Variants in SV2B observed in about 807,000 individuals in gnomAD.
SV2B encodes the protein synaptic vesicle glycoprotein 2B, also known as solute carrier family 22 member B2.
Under a neutral mutation model 73.9 loss-of-function variants are expected in SV2B, and 41 were observed. That is an observed-to-expected ratio of 0.56 (90% CI 0.43 to 0.72). The LOEUF is 0.72. SV2B is among the 30% of genes least tolerant of loss of function. The pLI is 0.00. For missense variants in SV2B, 764 were observed against 857.8 expected, an observed-to-expected ratio of 0.89 and a Z score of 1.37; for synonymous variants, 314 against 314.2, an observed-to-expected ratio of 1.00 and a Z score of 0.01.
At chr15:91,246,266 T>C (rs2047220222) in intron 2 of SV2B, among the ~76,000 whole-genome samples, 1 of 152,006 alleles carries the variant, frequency 6.6e-6, no homozygotes, top group African/African-American at 2.4e-5. Context: ...TAGTATATGA[T>C]TGGCTTGTTT....
At position 91,289,815 on chromosome 15, in the gene SV2B, G is replaced by T; in HGVS notation, c.1868+135G>T. 2 of 1,046,514 alleles carry T rather than the reference G, an allele frequency of 1.9e-6. No individual in the cohort carries two copies. Among genetic ancestry groups the T allele is most frequent in the Admixed American group, 2.8e-5 (1 of 35,228 alleles). The allele number at this position is 1,046,514 out of a possible 1,614,324, so 64.8% of individuals were successfully genotyped here. A position where few individuals can be genotyped will look rare whatever the true frequency, so the allele number is the denominator to read the frequency against. ...GTTCCGTGAAACAAACATCTTTTATGTTGAGCTTCTCCTGCATGGTGGATG... is the reference window on the plus strand; with the variant it reads ...GTTCCGTGAAACAAACATCTTTTATTTTGAGCTTCTCCTGCATGGTGGATG... On this transcript the variant is annotated intron_variant, in intron 12 of 12. Transcript: ENST00000394232. This position sits in a 1 kb window ranked among gnomAD's most constrained non-coding sequence, Gnocchi z 4.9.
intron 9 of SV2B, among the ~76,000 whole-genome samples, chr15:91,279,857 C>A (rs2048627789): frequency 1.3e-5 from 2 of 152,184 alleles, no homozygotes; most frequent in African/African-American, 4.8e-5. Context: ...CTTCTTGTAA[C>A]AAAAGACTCA....
intron 1 of SV2B, among the ~76,000 whole-genome samples, chr15:91,143,366 T>C (rs2043052877): frequency 1.3e-5 from 2 of 152,204 alleles, no homozygotes; most frequent in Non-Finnish European, 2.9e-5. Flanking sequence ...CTGGGGACCA[T>C]TGAAACAGGT....
At chr15:91,262,841 G>A (rs2047958716) in intron 6 of SV2B, among the ~76,000 whole-genome samples, 1 of 152,182 alleles carries the variant, frequency 6.6e-6, no homozygotes, top group Non-Finnish European at 1.5e-5. Flanking sequence ...GCTGTGCTGC[G>A]GGTGTGGAAG....
chr15:91,287,702 A>G (rs192939352), intron 11 of SV2B, among the ~76,000 whole-genome samples: 1,524 of 152,218 alleles, frequency 0.01, 21 homozygotes, highest in Non-Finnish European at 0.011. Flanking sequence ...TGGACTGCAT[A>G]CTTAGATTCC....
At chr15:91,218,870 G>A (rs2046122470) in intron 1 of SV2B, among the ~76,000 whole-genome samples, 1 of 152,132 alleles carries the variant, frequency 6.6e-6, no homozygotes, top group African/African-American at 2.4e-5. Flanking sequence ...ACTGGTATCT[G>A]GTATCTTGGC....
rs938014324 is a variant in SV2B at position 91,298,714 on chromosome 15, A to C, written c.*6162A>C. On this transcript the variant is annotated 3_prime_UTR_variant, in exon 13 of 13. Transcript: ENST00000394232. This position sits in a 1 kb window ranked among gnomAD's most constrained non-coding sequence, Gnocchi z 5.4. Reference sequence around the variant, plus strand: ...ATCCTACAGGCTTAAAATACTTTAAAATTTCAGAGACCATTAATATGTATT... The same window carrying C: ...ATCCTACAGGCTTAAAATACTTTAACATTTCAGAGACCATTAATATGTATT... 1 of 152,186 alleles carries C rather than the reference A, an allele frequency of 6.6e-6. No homozygotes were observed. The highest frequency in any genetic ancestry group is 2.4e-5 in the African/African-American group (1 of 41,436). The allele number at this position is 152,186 out of a possible 1,614,324, so 9.4% of individuals were successfully genotyped here.
At chr15:91,120,811 C>CAAAAAAAA (rs756474473) in intron 1 of SV2B, among the ~76,000 whole-genome samples, 2 of 97,272 alleles carry the variant, frequency 2.1e-5, no homozygotes, top group Non-Finnish European at 1.9e-5. Flanking sequence ...GAACCTGTCT[C>CAAAAAAAA]AAAAAAAAAA....
intron 1 of SV2B, among the ~76,000 whole-genome samples, chr15:91,107,375 C>G (rs2041914233): frequency 6.6e-6 from 1 of 150,910 alleles, no homozygotes; most frequent in Non-Finnish European, 1.5e-5. Flanking sequence ...TGTAGTGGCA[C>G]AATCTTAGCT....
At position 91,252,452 on chromosome 15, in the gene SV2B, T is replaced by A; in HGVS notation, c.716T>A (p.Leu239Gln). The change falls in exon 4 of 13, where the codon CTG becomes CAG. Residue 239 changes from leucine to glutamine, a missense_variant. Physicochemically the swap from Leu to Gln is moderately radical, Grantham distance 113 (BLOSUM62 -2). Transcript: ENST00000394232. This position sits in a 1 kb window ranked among gnomAD's most constrained non-coding sequence, Gnocchi z 4.6. ...AAGCGAGGAGAACACCTCAGTTGGC[T>A]GGGCATCTTCTGGATGACTGGGGGC... ...REKRGEHLSW[L>Q]GIFWMTGGLY... is the part of the protein sequence containing the mutation. The A allele has an allele frequency of 3.1e-6, 5 of 1,613,828 alleles. No individual in the cohort carries two copies. The highest frequency in any genetic ancestry group is 4.2e-6 in the Non-Finnish European group (5 of 1,179,846).
chr15:91,229,978 T>C lies in SV2B; in HGVS notation c.451+3264T>C, dbSNP rs1336099191. Among the ~76,000 whole-genome samples the C allele has an allele frequency of 6.6e-6, 1 of 152,218 alleles. No homozygotes were observed. The highest frequency in any genetic ancestry group is 1.5e-5 in the Non-Finnish European group (1 of 68,044). On this transcript the variant is annotated intron_variant, in intron 2 of 12. Coordinates refer to ENST00000394232, the MANE Select transcript of SV2B (RefSeq NM_001323032.3). This position sits in a 1 kb window ranked among gnomAD's most constrained non-coding sequence, Gnocchi z 4.3. ...CTCTCTGGTTGGGTGTGGTGGCCCATGCCTGTAATCCCAGTGCTTTGGGAG... is the reference window on the plus strand; with the variant it reads ...CTCTCTGGTTGGGTGTGGTGGCCCACGCCTGTAATCCCAGTGCTTTGGGAG...
At chr15:91,250,763 T>C (rs1016577518) in intron 2 of SV2B, among the ~76,000 whole-genome samples, 67 of 152,070 alleles carry the variant, frequency 4.4e-4, no homozygotes, top group African/African-American at 1.5e-3. Context: ...AAATGAAAGG[T>C]CTTTATACTG....
chr15:91,281,658 G>GT lies in SV2B; in HGVS notation c.1374-66dup. The GT allele has an allele frequency of 3.3e-6, 5 of 1,507,260 alleles. No individual in the cohort carries two copies. Among genetic ancestry groups the GT allele is most frequent in the Non-Finnish European group, 4.5e-6 (5 of 1,120,120 alleles). 93.4% of individuals were successfully genotyped at this position (1,507,260 alleles called of 1,614,324 possible). A position where few individuals can be genotyped will look rare whatever the true frequency, so the allele number is the denominator to read the frequency against. On this transcript the variant is annotated intron_variant, in intron 9 of 12. Transcript: ENST00000394232. The surrounding 1 kb of genome is among the most constrained non-coding windows in gnomAD (Gnocchi z 4.7). Reference sequence around the variant, plus strand: ...ACATCTCCTTTTTCTGCCTTGCTGTGTTTTCCATTTTGGTCTTAAGTCTCT... The same window carrying GT: ...ACATCTCCTTTTTCTGCCTTGCTGTGTTTTTCCATTTTGGTCTTAAGTCTCT...
In SV2B at chr15:91,155,202, G is replaced by A. The variant is rs2043446488; in HGVS notation, c.-392+54839G>A. 2.0e-5 allele frequency among the ~76,000 whole-genome samples: 3 copies of A among 152,132 alleles called. No individual in the cohort carries two copies. In the South Asian group the frequency reaches 6.2e-4, roughly 32 times the overall value. On this transcript the variant is annotated intron_variant, in intron 1 of 12. Coordinates refer to ENST00000394232, the MANE Select transcript of SV2B (RefSeq NM_001323032.3). ...AGCCCTGGAGCAAAATGGGGAAAGG[G>A]AAGGGCGTGGTTAAGGTAGGAGGAG...
At chr15:91,133,190 C>T (rs745397178) in intron 1 of SV2B, among the ~76,000 whole-genome samples, 1 of 152,118 alleles carries the variant, frequency 6.6e-6, no homozygotes, top group Non-Finnish European at 1.5e-5. Flanking sequence ...AGCATTTTCT[C>T]CTGCATCTCC....
In SV2B at chr15:91,100,858, G is replaced by A. The variant is rs972588530; in HGVS notation, c.-392+495G>A. On this transcript the variant is annotated intron_variant, in intron 1 of 12. Coordinates refer to ENST00000394232, the MANE Select transcript of SV2B (RefSeq NM_001323032.3). The surrounding 1 kb of genome is among the most constrained non-coding windows in gnomAD (Gnocchi z 6.4). ...TATGTGCAGGGCGCCCTCCGTGGGC[G>A]TGGGAGCCGTTTCTTAGGGACACAG... is the stretch of plus-strand genomic sequence containing the variant. 6.6e-6 allele frequency among the ~76,000 whole-genome samples: 1 copy of A among 152,230 alleles called. No homozygotes were observed. The highest frequency in any genetic ancestry group is 2.4e-5 in the African/African-American group (1 of 41,460).
Position 91,123,328 on chromosome 15 carries a change from T to C in SV2B, c.-392+22965T>C, listed in dbSNP as rs960646894. Among the ~76,000 whole-genome samples, 4 of 152,166 alleles carry C rather than the reference T, an allele frequency of 2.6e-5. No homozygotes were observed. Among genetic ancestry groups the C allele is most frequent in the Non-Finnish European group, 5.9e-5 (4 of 68,018 alleles). ...ATTTTGTGTTCTTATCATACACACA[T>C]ACACACACAAAAAGATAAGTCTGTG... On this transcript the variant is annotated intron_variant, in intron 1 of 12. Coordinates refer to ENST00000394232, the MANE Select transcript of SV2B (RefSeq NM_001323032.3). This position sits in a 1 kb window ranked among gnomAD's most constrained non-coding sequence, Gnocchi z 4.7.
intron 1 of SV2B, among the ~76,000 whole-genome samples, chr15:91,150,568 C>G (rs1027164863): frequency 6.6e-6 from 1 of 152,176 alleles, no homozygotes; most frequent in Non-Finnish European, 1.5e-5. Flanking sequence ...GTGAATGCCC[C>G]TCTTCTTCTT....
At chr15:91,246,817 T>C (rs2047252623) in intron 2 of SV2B, among the ~76,000 whole-genome samples, 1 of 152,146 alleles carries the variant, frequency 6.6e-6, no homozygotes, top group South Asian at 2.1e-4. Flanking sequence ...AAAATCTCAG[T>C]ATATTAAGGG....
Sources: allele counts gnomAD v4.1 joint callset (sites outside exome capture counted in the v4.1 genomes callset), GRCh38; gene constraint gnomAD v4.1.1; non-coding constraint Gnocchi (gnomAD v3.1); transcripts MANE v1.5; gene names NCBI Gene and HGNC (gene_info 2026-07-23, HGNC 2026-07-21).